OTOGL: variants seen among roughly 807,000 people sequenced by gnomAD.
OTOGL encodes otogelin-like protein.
Under a neutral mutation model 318.5 loss-of-function variants are expected in OTOGL, and 285 were observed. That is an observed-to-expected ratio of 0.89 (90% confidence interval 0.81 to 0.99). The LOEUF is 0.99. Among genes scored for constraint, OTOGL ranks in the 50% least tolerant of loss-of-function variants. OTOGL has a pLI of 0.00. For synonymous variants in OTOGL, 987 were observed against 936.5 expected (o/e 1.05, Z -0.99); for missense variants, 2,899 against 2,845.6 (o/e 1.02, Z -0.43).
intron 1 of OTOGL, among the ~76,000 whole-genome samples, chr12:80,113,749 C>G (rs954381077): frequency 1.3e-5 from 2 of 152,120 alleles, no homozygotes; most frequent in African/African-American, 4.8e-5. Context: ...GTGTGGGAGT[C>G]TAAGTCTCTT....
At chr12:80,337,724 T>G (rs1220371398) in intron 42 of OTOGL, among the ~76,000 whole-genome samples, 1 of 152,070 alleles carries the variant, frequency 6.6e-6, no homozygotes, top group African/African-American at 2.4e-5. Flanking sequence ...GCTGAAGTAC[T>G]ATGTACTTTC....
At chr12:80,301,515 G>A (rs1885760079) in intron 27 of OTOGL, among the ~76,000 whole-genome samples, 1 of 152,164 alleles carries the variant, frequency 6.6e-6, no homozygotes, top group Admixed American at 6.5e-5. Context: ...TCATGCTCTA[G>A]CCTTTTGGTA....
At chr12:80,239,026 T>C (rs1880128098) in intron 10 of OTOGL, 48 bp downstream of exon 10, 1 of 1,522,556 alleles carries the variant, frequency 6.6e-7, no homozygotes, top group Non-Finnish European at 8.8e-7. Flanking sequence ...AATACACATA[T>C]ATCTTATTTG....
intron 1 of OTOGL, among the ~76,000 whole-genome samples, chr12:80,138,413 G>GT (rs1310248349): frequency 5.3e-5 from 8 of 152,240 alleles, no homozygotes; most frequent in Non-Finnish European, 7.4e-5. Context: ...TTGGCAAATG[G>GT]TAAGTACAAC....
Position 80,219,809 on chromosome 12 carries a change from C to A in OTOGL, c.236-5C>A. 1 of 1,539,212 alleles carries A rather than the reference C, an allele frequency of 6.5e-7. No homozygotes were observed. The highest frequency in any genetic ancestry group is 1.2e-5 in the South Asian group (1 of 85,742). On this transcript the variant is annotated splice_polypyrimidine_tract_variant and splice_region_variant and intron_variant, in intron 5 of 58. Coordinates refer to ENST00000547103, the MANE Select transcript of OTOGL (RefSeq NM_001378609.3). ...AGATAACTTTTTTTTTTTTTTCCCC[C>A]TCAGGTTCTTGTCCTTATGAATGCC... is the stretch of plus-strand genomic sequence containing the variant.
chr12:80,358,288 T>A lies in OTOGL; in HGVS notation c.6060T>A (p.Asp2020Glu). Residue 2020 changes from aspartate (D) to glutamate (E), a missense_variant, in exon 50 of 59, where the codon GAT becomes GAA. Coordinates refer to ENST00000547103, the MANE Select transcript of OTOGL (RefSeq NM_001378609.3). ...CCAAACCTGTTCCACTATGTCATGA[T>A]GGGGAATTTCTCACAGTAGATCTTA... Reference protein sequence around the residue: ...SCTKPVPLCHDGEFLTVDLNS... With the variant: ...SCTKPVPLCHEGEFLTVDLNS... 1 of 1,612,404 alleles carries A rather than the reference T, an allele frequency of 6.2e-7. No individual in the cohort carries two copies. The highest frequency in any genetic ancestry group is 8.5e-7 in the Non-Finnish European group (1 of 1,179,010).
intron 1 of OTOGL, among the ~76,000 whole-genome samples, chr12:80,134,630 T>C (rs902065770): frequency 1.3e-5 from 2 of 152,208 alleles, no homozygotes; most frequent in African/African-American, 4.8e-5. Context: ...TCCTATTCCC[T>C]GGGTCTTCAT....
chr12:80,264,848 T>TA (rs544269047), intron 19 of OTOGL, among the ~76,000 whole-genome samples, 153 bp from the exon 20 acceptor site: 108 of 151,934 alleles, frequency 7.1e-4, no homozygotes, highest in African/African-American at 2.3e-3. Context: ...CAATATTATA[T>TA]AAAAAAAACA....
chr12:80,221,018 C>T (rs1241777722), intron 6 of OTOGL, among the ~76,000 whole-genome samples: 1 of 152,024 alleles, frequency 6.6e-6, no homozygotes, highest in African/African-American at 2.4e-5. Context: ...AAGAGTCACC[C>T]TTACCTTTAT....
At position 80,308,121 on chromosome 12, in the gene OTOGL, C is replaced by T. The variant is rs1467636694; in HGVS notation, c.3333+2426C>T. Among the ~76,000 whole-genome samples, 127 of 148,850 alleles carry T rather than the reference C, an allele frequency of 8.5e-4. 1 individual carries two copies. In the East Asian group the frequency reaches 0.01, roughly 12 times the overall value. ...CTGACCCCCCCACCTCCCTCCCGGACGGGGCGGCTGGCCGGGCGGGGGGCT... is the reference window on the plus strand; with the variant it reads ...CTGACCCCCCCACCTCCCTCCCGGATGGGGCGGCTGGCCGGGCGGGGGGCT... On this transcript the variant is annotated intron_variant, in intron 29 of 58. Transcript: ENST00000547103.
intron 1 of OTOGL, among the ~76,000 whole-genome samples, chr12:80,192,017 AT>A (rs1191825889): frequency 6.6e-6 from 1 of 152,250 alleles, no homozygotes; most frequent in Non-Finnish European, 1.5e-5. Context: ...TCGTATTTTC[AT>A]CTCAAGAATA....
intron 5 of OTOGL, among the ~76,000 whole-genome samples, chr12:80,217,962 T>C (rs1013564694): frequency 6.6e-6 from 1 of 152,226 alleles, no homozygotes; most frequent in African/African-American, 2.4e-5. Flanking sequence ...CTGTTTTTTG[T>C]TACCAATTCC....
chr12:80,314,740 TTG>T lies in OTOGL; in HGVS notation c.3634+411_3634+412del, dbSNP rs566428696. ...CTTATTTTTAAATTGACAAATATAATTGTATATATTTATGGGGTACAATGTAG... is the reference window on the plus strand; with the variant it reads ...CTTATTTTTAAATTGACAAATATAATTATATATTTATGGGGTACAATGTAG... On this transcript the variant is annotated intron_variant, in intron 32 of 58. Transcript: ENST00000547103. Among the ~76,000 whole-genome samples, 955 of 152,320 alleles carry T rather than the reference TTG, an allele frequency of 6.3e-3. 12 individuals are homozygous for T. Among genetic ancestry groups the T allele is most frequent in the African/African-American group, 0.021 (890 of 41,580 alleles).
chr12:80,261,041 G>A (rs1233794912), intron 18 of OTOGL, among the ~76,000 whole-genome samples: 1 of 152,096 alleles, frequency 6.6e-6, no homozygotes, highest in Non-Finnish European at 1.5e-5. Context: ...GAAAGGGTGG[G>A]GACAAGGAAA....
chr12:80,374,362 A>T (rs1487343237), intron 57 of OTOGL, among the ~76,000 whole-genome samples: 1 of 152,170 alleles, frequency 6.6e-6, no homozygotes, highest in African/African-American at 2.4e-5. Flanking sequence ...TCCAAATAAG[A>T]TCACATTCTA....
chr12:80,146,071 CT>C (rs1872333960), intron 1 of OTOGL, among the ~76,000 whole-genome samples: 1 of 150,802 alleles, frequency 6.6e-6, no homozygotes, highest in Non-Finnish European at 1.5e-5. Flanking sequence ...CCTAATTGCC[CT>C]GGCCAGAACT....
At position 80,328,666 on chromosome 12, in the gene OTOGL, G is replaced by C; in HGVS notation, c.4201G>C (p.Val1401Leu). Residue 1401 changes from valine (V) to leucine (L), a missense_variant and splice_region_variant, in exon 36 of 59, where the codon GTT (valine) becomes CTT (leucine). This residue lies in a region of OTOGL where 2,607 missense variants were observed against 2,524.9 expected (regional missense o/e 1.03). Transcript: ENST00000547103. ...ATTTACTCTTTTTTCCATGTAAAGG[G>C]TTGAAGGATGCTTGCCCTACTGCCC... is the stretch of plus-strand genomic sequence containing the variant. ...EALACKFLPPVEGCLPYCPKN... is the reference protein window; with the variant it reads ...EALACKFLPPLEGCLPYCPKN... The C allele has an allele frequency of 6.3e-7, 1 of 1,594,244 alleles. No homozygotes were observed. The highest frequency in any genetic ancestry group is 8.6e-7 in the Non-Finnish European group (1 of 1,162,600).
chr12:80,268,301 ATACT>A (rs989404840), intron 22 of OTOGL, among the ~76,000 whole-genome samples: 2 of 151,986 alleles, frequency 1.3e-5, no homozygotes, highest in African/African-American at 4.8e-5. Context: ...TATTATTAAA[ATACT>A]TACTCATCAC....
At chr12:80,197,165 G>A (rs762930129) in intron 1 of OTOGL, among the ~76,000 whole-genome samples, 10 of 152,086 alleles carry the variant, frequency 6.6e-5, no homozygotes, top group South Asian at 4.1e-4. Flanking sequence ...TTGGTAGCCC[G>A]CCATTTCAAG....
Sources: allele counts gnomAD v4.1 joint callset (sites outside exome capture counted in the v4.1 genomes callset), GRCh38; gene constraint gnomAD v4.1.1; regional missense constraint gnomAD v4.1.1; transcripts MANE v1.5; gene names NCBI Gene and HGNC (gene_info 2026-07-23, HGNC 2026-07-21).